EML1: variants seen among roughly 807,000 people sequenced by gnomAD.
The protein encoded by EML1 is EMAP like 1.
A neutral mutation model predicts 110.4 loss-of-function variants in EML1; 27 were observed. The observed-to-expected ratio is 0.24, with a 90% CI of 0.18 to 0.34. The LOEUF (loss-of-function observed/expected upper bound fraction) is 0.34. EML1 is among the 10% of genes least tolerant of loss of function. EML1 has a pLI of 1.00. For missense variants in EML1, 741 were observed against 1,030.9 expected, an observed-to-expected ratio of 0.72 and a Z score of 3.85; for synonymous variants, 344 against 385.8, an observed-to-expected ratio of 0.89 and a Z score of 1.27.
intron 4 of EML1, chr14:99,886,056 A>G (rs1002276651): frequency 3.2e-6 from 1 of 313,582 alleles, no homozygotes; most frequent in Non-Finnish European, 6.2e-6. Flanking sequence ...CATTTTGAAT[A>G]GATGGTTCTT....
chr14:99,882,584 C>G (rs868433956), intron 4 of EML1, among the ~76,000 whole-genome samples: 11 of 149,880 alleles, frequency 7.3e-5, no homozygotes, highest in Admixed American at 7.3e-4. Flanking sequence ...TTTGGCTTCC[C>G]CAGATTAAAA....
At chr14:99,930,692 A>G (rs2060351885) in intron 17 of EML1, among the ~76,000 whole-genome samples, 1 of 152,220 alleles carries the variant, frequency 6.6e-6, no homozygotes, top group South Asian at 2.1e-4. Flanking sequence ...CGAGAATCTT[A>G]TAGAGCACTT....
chr14:99,909,578 G>A, intron 11 of EML1, 99 bp downstream of exon 11: 1 of 1,491,956 alleles, frequency 6.7e-7, no homozygotes, highest in Non-Finnish European at 9.2e-7. Context: ...CAATCCCTTG[G>A]GATCCCTCAC....
Position 99,827,771 on chromosome 14 carries a change from A to G in EML1, c.68-23082A>G, listed in dbSNP as rs1192506772. Among the ~76,000 whole-genome samples, 2 of 152,182 alleles carry G rather than the reference A, an allele frequency of 1.3e-5. No individual in the cohort carries two copies. The highest frequency in any genetic ancestry group is 2.9e-5 in the Non-Finnish European group (2 of 68,022). On this transcript the variant is annotated intron_variant, in intron 1 of 21. Transcript: ENST00000262233. This position sits in a 1 kb window ranked among gnomAD's most constrained non-coding sequence, Gnocchi z 4.4. Reference sequence around the variant, plus strand: ...AAGCTAAACTTGATCTCAGATGTCCAGCCTCCAGGATTGTTTAAGCCCCCC... The same window carrying G: ...AAGCTAAACTTGATCTCAGATGTCCGGCCTCCAGGATTGTTTAAGCCCCCC...
intron 15 of EML1, among the ~76,000 whole-genome samples, chr14:99,915,969 G>A (rs1260376212): frequency 6.6e-6 from 1 of 152,220 alleles, no homozygotes; most frequent in East Asian, 1.9e-4. Flanking sequence ...GCCGTGAGGT[G>A]GAAGGGCCCA....
chr14:99,759,489 C>T (rs1487096398), intron 1 of EML1, among the ~76,000 whole-genome samples: 1 of 152,220 alleles, frequency 6.6e-6, no homozygotes, highest in Non-Finnish European at 1.5e-5. Flanking sequence ...CTTAGTTTCT[C>T]CTTAGTTTCT....
chr14:99,775,056 T>C (rs539913212), intron 1 of EML1, among the ~76,000 whole-genome samples: 63 of 152,346 alleles, frequency 4.1e-4, no homozygotes, highest in African/African-American at 1.5e-3. Flanking sequence ...CATACTGACA[T>C]GCATTTGAAT....
At chr14:99,836,991 A>ATTTTT (rs35306819) in intron 1 of EML1, among the ~76,000 whole-genome samples, 1 of 141,588 alleles carries the variant, frequency 7.1e-6, no homozygotes, top group East Asian at 2.1e-4. Context: ...AATTGTTCTA[A>ATTTTT]TTTTTTTTTT....
intron 9 of EML1, among the ~76,000 whole-genome samples, chr14:99,901,699 G>A (rs961338837): frequency 1.3e-5 from 2 of 152,160 alleles, no homozygotes; most frequent in African/African-American, 4.8e-5. Context: ...GTAGCAGTGA[G>A]GACAACCAGA....
intron 1 of EML1, among the ~76,000 whole-genome samples, chr14:99,761,946 G>C (rs1007727403): frequency 6.7e-6 from 1 of 148,322 alleles, no homozygotes; most frequent in Non-Finnish European, 1.5e-5. Flanking sequence ...AAAAAATCGA[G>C]AACTGGGGGC....
rs368700243 is a variant in EML1 at position 99,894,778 on chromosome 14, T to A, written c.677+20T>A. 1.0e-5 allele frequency: 16 copies of A among 1,602,868 alleles called. No individual in the cohort carries two copies. Among genetic ancestry groups the A allele is most frequent in the Non-Finnish European group, 1.4e-5 (16 of 1,175,634 alleles). ...ATGGGTGTATCCTTTATTCATTGAT[T>A]AGGTCTCACATGAAGTTATCAGTCA... On this transcript the variant is annotated intron_variant, in intron 6 of 21. Coordinates refer to ENST00000262233, the MANE Select transcript of EML1 (RefSeq NM_004434.3).
chr14:99,817,019 C>T (rs1402121089), intron 1 of EML1, among the ~76,000 whole-genome samples: 1 of 152,194 alleles, frequency 6.6e-6, no homozygotes, highest in Non-Finnish European at 1.5e-5. Context: ...TATCAACCCC[C>T]AATGTCATCA....
intron 2 of EML1, among the ~76,000 whole-genome samples, chr14:99,862,847 G>A (rs1391849678): frequency 6.6e-6 from 1 of 152,100 alleles, no homozygotes; most frequent in Non-Finnish European, 1.5e-5. Flanking sequence ...GAATGGCCTT[G>A]GAAACCAAGG....
chr14:99,771,336 C>T (rs2057426377), upstream of EML1, among the ~76,000 whole-genome samples: 1 of 152,188 alleles, frequency 6.6e-6, no homozygotes, highest in Non-Finnish European at 1.5e-5. Flanking sequence ...ATTATGGTCT[C>T]TTGCATGTGG....
At chr14:99,826,246 G>A (rs142076598) in intron 1 of EML1, among the ~76,000 whole-genome samples, 4,691 of 151,526 alleles carry the variant, frequency 0.031, 94 homozygotes, top group Non-Finnish European at 0.041. Context: ...TCGAGTAACT[G>A]GGATTACAGG....
intron 3 of EML1, among the ~76,000 whole-genome samples, chr14:99,869,161 A>T (rs2059153101): frequency 6.6e-6 from 1 of 152,164 alleles, no homozygotes; most frequent in African/African-American, 2.4e-5. Context: ...TGCTTTAGAG[A>T]TACCACATTT....
At chr14:99,799,568 C>T (rs745998095) in intron 1 of EML1, among the ~76,000 whole-genome samples, 5 of 152,174 alleles carry the variant, frequency 3.3e-5, no homozygotes, top group Non-Finnish European at 5.9e-5. Flanking sequence ...AAAGCACCCA[C>T]GCTAAGCGAG....
rs765867573 is a variant in EML1 at position 99,890,205 on chromosome 14, A to G, written c.519-994A>G. On this transcript the variant is annotated intron_variant, in intron 4 of 21. Transcript: ENST00000262233. ...CACTATGGTGCCTTATGGGTTCACT[A>G]TGGTGAACCCAGTGCACCCCTTGAC... Among the ~76,000 whole-genome samples, 158 of 152,172 alleles carry G rather than the reference A, an allele frequency of 1.0e-3. 5 individuals carry two copies. Among genetic ancestry groups the G allele is most frequent in the Non-Finnish European group, 3.2e-4 (22 of 68,020 alleles).
chr14:99,750,211 G>C (rs146737844), intron 1 of EML1, among the ~76,000 whole-genome samples: 2 of 152,224 alleles, frequency 1.3e-5, no homozygotes, highest in African/African-American at 4.8e-5. Context: ...AACAATTCAC[G>C]TTCCATGCTG....
Sources: gnomAD v4.1 joint callset for allele counts (sites outside exome capture counted in the v4.1 genomes callset) on GRCh38, gnomAD v4.1.1 for gene constraint, Gnocchi (gnomAD v3.1) non-coding constraint, MANE v1.5 for transcripts, NCBI Gene and HGNC (gene_info 2026-07-23, HGNC 2026-07-21) for gene names.